TDRD10: variants seen among roughly 807,000 people sequenced by gnomAD.
The protein encoded by TDRD10 is tudor domain-containing protein 10.
TDRD10 carries 40 observed loss-of-function variants against 48.0 expected under a neutral mutation model. The observed-to-expected ratio is 0.83, with a 90% CI of 0.65 to 1.09. TDRD10 has a LOEUF of 1.09. Ranked by LOEUF, TDRD10 falls within the 50% of genes least tolerant of loss-of-function variation. The pLI, the probability that TDRD10 is intolerant of heterozygous loss-of-function variation, is 0.00. For missense variants in TDRD10, 378 were observed against 434.7 expected (o/e 0.87, Z 1.16); for synonymous variants, 162 against 170.4 (o/e 0.95, Z 0.38).
At chr1:154,519,048 C>T (rs1309730033) in intron 4 of TDRD10, among the ~76,000 whole-genome samples, 1 of 152,142 alleles carries the variant, frequency 6.6e-6, no homozygotes, top group Non-Finnish European at 1.5e-5. Context: ...CGTCATTTAA[C>T]CTCTCTGATC....
At chr1:154,514,598 CCT>C (rs2149318880) in intron 4 of TDRD10, among the ~76,000 whole-genome samples, 1 of 152,272 alleles carries the variant, frequency 6.6e-6, no homozygotes, top group South Asian at 2.1e-4. Context: ...GAACCTGGCA[CCT>C]ATTGTCATGC....
intron 4 of TDRD10, among the ~76,000 whole-genome samples, chr1:154,510,859 A>T (rs1693424719): frequency 6.6e-6 from 1 of 151,566 alleles, no homozygotes; most frequent in South Asian, 2.1e-4. Flanking sequence ...ATCCTGGCTA[A>T]CACGGTGAAA....
intron 2 of TDRD10, 70 bp downstream of exon 2, chr1:154,506,975 G>A: frequency 6.2e-7 from 1 of 1,613,764 alleles, no homozygotes; most frequent in South Asian, 1.1e-5. Context: ...TCCCATTCCT[G>A]TCTCACCATG....
Position 154,544,432 on chromosome 1 carries a change from C to G in TDRD10, c.712C>G (p.Pro238Ala), listed in dbSNP as rs563453579. The G allele has an allele frequency of 3.1e-6, 5 of 1,609,670 alleles. No individual in the cohort carries two copies. In the Admixed American group the frequency reaches 6.8e-5, roughly 22 times the overall value. ...STLAQAEEQQ[P>A]YLEGSTVMRG... ...CCTGGCTCAGGCGGAGGAGCAGCAG[C>G]CCTACCTGGAGGGCTCCACCGTTAT... Residue 238 changes from proline to alanine, a missense_variant, in exon 10 of 13, where the codon CCC becomes GCC. Pro to Ala is a conservative substitution (Grantham distance 27). Around this residue, in one of 2 missense-constraint regions of TDRD10, gnomAD observed 310 missense variants for 323.6 expected, o/e 0.96. Coordinates refer to ENST00000368482, the MANE Select transcript of TDRD10 (RefSeq NM_182499.4).
intron 6 of TDRD10, among the ~76,000 whole-genome samples, chr1:154,525,007 C>T (rs143256348): frequency 6.6e-6 from 1 of 152,330 alleles, no homozygotes; most frequent in East Asian, 1.9e-4. Flanking sequence ...ATGAGACTGC[C>T]ACTTTCTGCT....
intron 1 of TDRD10, 75 bp from the exon 2 acceptor site, chr1:154,506,802 A>C (rs1693176950): frequency 7.6e-7 from 1 of 1,315,440 alleles, no homozygotes; most frequent in South Asian, 1.2e-5. Context: ...TCTGCTTACC[A>C]CAGTACCTAT....
At chr1:154,510,974 A>C (rs1045206034) in intron 4 of TDRD10, among the ~76,000 whole-genome samples, 1 of 151,646 alleles carries the variant, frequency 6.6e-6, no homozygotes, top group African/African-American at 2.4e-5. Flanking sequence ...TGAACCCGGG[A>C]GGCGGAGCTT....
intron 4 of TDRD10, among the ~76,000 whole-genome samples, chr1:154,513,919 G>T (rs1693613644): frequency 6.6e-6 from 1 of 152,186 alleles, no homozygotes; most frequent in Admixed American, 6.5e-5. Context: ...GCTGTGTTTG[G>T]TGGCTCACGC....
chr1:154,504,848 G>A (rs1693053070), intron 1 of TDRD10, among the ~76,000 whole-genome samples: 2 of 152,110 alleles, frequency 1.3e-5, no homozygotes, highest in South Asian at 4.1e-4. Context: ...ATTAGCCATC[G>A]TGGTAGTGTG....
chr1:154,541,924 C>T, intron 6 of TDRD10, 100 bp from the exon 7 acceptor site: 3 of 1,208,286 alleles, frequency 2.5e-6, no homozygotes, highest in South Asian at 1.4e-5. Context: ...ACAGGGGCTG[C>T]CGATGCTCTG....
At chr1:154,510,461 G>A (rs1044208390) in intron 4 of TDRD10, among the ~76,000 whole-genome samples, 1 of 151,554 alleles carries the variant, frequency 6.6e-6, no homozygotes, top group Non-Finnish European at 1.5e-5. Context: ...GTATGGTGGT[G>A]GGCACCTGTA....
intron 11 of TDRD10, among the ~76,000 whole-genome samples, chr1:154,546,321 C>T (rs533726702): frequency 1.7e-3 from 259 of 150,308 alleles, no homozygotes; most frequent in African/African-American, 6.1e-3. Flanking sequence ...ATCTGCCCTC[C>T]TCGGCCTCCC....
chr1:154,534,041 T>TG (rs1396166930), intron 6 of TDRD10, among the ~76,000 whole-genome samples: 2 of 151,848 alleles, frequency 1.3e-5, no homozygotes, highest in African/African-American at 4.8e-5. Flanking sequence ...TATTTTTAAA[T>TG]GGGAAAAAAA....
chr1:154,512,029 G>A (rs77431561), intron 4 of TDRD10, among the ~76,000 whole-genome samples: 1 of 147,548 alleles, frequency 6.8e-6, no homozygotes, highest in Non-Finnish European at 1.5e-5. Context: ...AACTGTGTCT[G>A]AAAAAAAAAA....
intron 6 of TDRD10, among the ~76,000 whole-genome samples, chr1:154,529,556 T>C (rs2149335740): frequency 6.6e-6 from 1 of 151,962 alleles, no homozygotes; most frequent in African/African-American, 2.4e-5. Flanking sequence ...ATTTTTTTTT[T>C]TTTTTTGAGA....
At chr1:154,541,351 C>A (rs192348213) in intron 6 of TDRD10, among the ~76,000 whole-genome samples, 1 of 151,980 alleles carries the variant, frequency 6.6e-6, no homozygotes, top group South Asian at 2.1e-4. Context: ...CCTGTTTGCC[C>A]TCTGATGAAG....
At chr1:154,542,114 C>T (rs1341211505) in intron 7 of TDRD10, 48 bp downstream of exon 7, 3 of 1,601,732 alleles carry the variant, frequency 1.9e-6, no homozygotes, top group Non-Finnish European at 2.6e-6. Context: ...CTTTGCAGCT[C>T]CTAATGGACC....
intron 4 of TDRD10, among the ~76,000 whole-genome samples, chr1:154,510,673 G>A (rs2149314731): frequency 6.6e-6 from 1 of 152,290 alleles, no homozygotes; most frequent in East Asian, 1.9e-4. Flanking sequence ...GCCTGCAGCA[G>A]TTTCCAGGTT....
intron 6 of TDRD10, among the ~76,000 whole-genome samples, chr1:154,531,335 C>T (rs1209455629): frequency 3.3e-5 from 5 of 152,176 alleles, no homozygotes; most frequent in Admixed American, 2.0e-4. Context: ...CTTGGTCTCA[C>T]TGACTTCAAG....
Sources: allele counts gnomAD v4.1 joint callset (sites outside exome capture counted in the v4.1 genomes callset), GRCh38; gene constraint gnomAD v4.1.1; regional missense constraint gnomAD v4.1.1; transcripts MANE v1.5; gene names NCBI Gene and HGNC (gene_info 2026-07-23, HGNC 2026-07-21).